UCK1: variants seen among roughly 807,000 people sequenced by gnomAD.
The protein encoded by UCK1 is cytidine monophosphokinase 1.
UCK1 carries 20 observed loss-of-function variants against 34.0 expected under a neutral mutation model. The ratio of observed to expected loss-of-function variants is 0.59; its 90% confidence interval spans 0.41 to 0.86. The LOEUF (loss-of-function observed/expected upper bound fraction) is 0.86. Among genes scored for constraint, UCK1 ranks in the 40% least tolerant of loss-of-function variants. UCK1 has a pLI of 0.00. For synonymous variants in UCK1, 168 were observed against 155.9 expected, an observed-to-expected ratio of 1.08 and a Z score of -0.58; for missense variants, 343 against 383.6, an observed-to-expected ratio of 0.89 and a Z score of 0.88.
rs553760667 is a variant in UCK1 at position 131,523,854 on chromosome 9, C to T, written c.*1186G>A. 5.2e-5 allele frequency: 8 copies of T among 152,596 alleles called. No individual in the cohort carries two copies. Among genetic ancestry groups the T allele is most frequent in the South Asian group, 2.1e-4 (1 of 4,830 alleles). The allele number at this position is 152,596 out of a possible 1,614,324, so 9.5% of individuals were successfully genotyped here. ...TTCTCCCTCCAAAGGGGCCTAAGCT[C>T]GACAAAACCGTTACAGTTGTCAGAA... On this transcript the variant is annotated 3_prime_UTR_variant, in exon 7 of 7. Coordinates refer to ENST00000372215, the MANE Select transcript of UCK1 (RefSeq NM_031432.5).
chr9:131,531,118 C>T lies in UCK1; in HGVS notation c.57G>A (p.Pro19=), dbSNP rs779847237. ...CCCCTATCAGGAAGGGCCGCTGGTG[C>T]GGACGGTCGGCCTCCGGCGCGGGGC... ...CESPAPEADR[P]HQRPFLIGVS... Residue 19 remains proline, a synonymous_variant, in exon 1 of 7, where the codon CCG becomes CCA. Transcript: ENST00000372215. 1 of 1,452,156 alleles carries T rather than the reference C, an allele frequency of 6.9e-7. No individual in the cohort carries two copies. The highest frequency in any genetic ancestry group is 1.3e-5 in the South Asian group (1 of 74,962). 90.0% of individuals were successfully genotyped at this position (1,452,156 alleles called of 1,614,324 possible). A position where few individuals can be genotyped will look rare whatever the true frequency, so the allele number is the denominator to read the frequency against.
In UCK1 at chr9:131,525,067, A is replaced by C. The variant is rs1215227127; in HGVS notation, c.807T>G (p.His269Gln). The part of the protein sequence containing the change: ...PGMLTSGKRS[H>Q]LESSSRPH The stretch of plus-strand genomic sequence containing the variant: ...AGTGGGGTCTGCTGCTGGACTCCAA[A>C]TGTGACCGTTTGCCAGAGGTCAGCA... Residue 269 changes from histidine (H) to glutamine (Q), a missense_variant, in exon 7 of 7, where the codon CAT (histidine) becomes CAG (glutamine). Physicochemically the swap from His to Gln is conservative, Grantham distance 24. Transcript: ENST00000372215. The C allele has an allele frequency of 1.9e-6, 3 of 1,613,172 alleles. No individual in the cohort carries two copies. The highest frequency in any genetic ancestry group is 1.3e-5 in the African/African-American group (1 of 75,016).
At position 131,528,924 on chromosome 9, in the gene UCK1, GA is replaced by G; in HGVS notation, c.603+19del. 6.2e-7 allele frequency: 1 copy of G among 1,613,214 alleles called. No homozygotes were observed. Among genetic ancestry groups the G allele is most frequent in the African/African-American group, 1.3e-5 (1 of 75,002 alleles). On this transcript the variant is annotated intron_variant, in intron 5 of 6. Coordinates refer to ENST00000372215, the MANE Select transcript of UCK1 (RefSeq NM_031432.5). ...CTTGTGAAAGGGGAAAATGGGCTCT[GA>G]AGCAGCGAGCACAGGTACCGGCAGG...
rs1950795101 is a variant in UCK1, at chr9:131,530,563, TGGCTCA to T, written c.185_190del (p.Leu62_Ser63del). On this transcript the variant is annotated inframe_deletion, in exon 2 of 7. Transcript: ENST00000372215. ...CGTCAGGACCTTGTAGAACCTGTCC[TGGCTCA>T]GGATGACCACCTTCCGCTGCCGCTG... The T allele has an allele frequency of 6.2e-7, 1 of 1,614,130 alleles. No homozygotes were observed. The highest frequency in any genetic ancestry group is 1.3e-5 in the African/African-American group (1 of 74,946).
chr9:131,530,376 G>GA, intron 2 of UCK1, 110 bp downstream of exon 2: 1 of 1,346,330 alleles, frequency 7.4e-7, no homozygotes. Flanking sequence ...CGAGTTGGGG[G>GA]AACAGCCCAA....
In UCK1 at chr9:131,531,232, G is replaced by C; in HGVS notation, c.-58C>G. The stretch of plus-strand genomic sequence containing the variant: ...CGCCCGCCCCTTCCCCAGGCCCGGC[G>C]CGCCCGCCCAGCGCCGAGGTCGGAG... On this transcript the variant is annotated 5_prime_UTR_variant, in exon 1 of 7. Coordinates refer to ENST00000372215, the MANE Select transcript of UCK1 (RefSeq NM_031432.5). 1 of 1,311,354 alleles carries C rather than the reference G, an allele frequency of 7.6e-7. No individual in the cohort carries two copies. Among genetic ancestry groups the C allele is most frequent in the South Asian group, 1.9e-5 (1 of 52,624 alleles). The allele number at this position is 1,311,354 out of a possible 1,614,324, so 81.2% of individuals were successfully genotyped here.
chr9:131,526,301 TG>T, intron 5 of UCK1: 1 of 837,512 alleles, frequency 1.2e-6, no homozygotes, highest in Non-Finnish European at 1.8e-6. Flanking sequence ...CTCAATTCAC[TG>T]GGCCAAGCTA....
At chr9:131,525,370 GACAGA>G in intron 6 of UCK1, 149 bp from the exon 7 acceptor site, 1 of 902,668 alleles carries the variant, frequency 1.1e-6, no homozygotes, top group Non-Finnish European at 1.7e-6. Flanking sequence ...AATCTCAGCA[GACAGA>G]AACATGCATC....
intron 5 of UCK1, among the ~76,000 whole-genome samples, chr9:131,528,173 CAAA>C (rs5900943): frequency 1.4e-5 from 2 of 146,882 alleles, no homozygotes; most frequent in South Asian, 2.1e-4. Flanking sequence ...GACCCTATCT[CAAA>C]AAAAAAAAAA....
Position 131,529,543 on chromosome 9 carries a change from T to C in UCK1, c.310A>G (p.Ile104Val). The C allele has an allele frequency of 1.2e-6, 2 of 1,614,190 alleles. No homozygotes were observed. Among genetic ancestry groups the C allele is most frequent in the Non-Finnish European group, 1.7e-6 (2 of 1,180,030 alleles). ...ACCTCCACCGTTTTGCCCTCCACGATGTTCTTCAGAGTCCTGTGCATCAAA... is the reference window on the plus strand; with the variant it reads ...ACCTCCACCGTTTTGCCCTCCACGACGTTCTTCAGAGTCCTGTGCATCAAA... The part of the protein sequence containing the change: ...NDLMHRTLKN[I>V]VEGKTVEVPT... The change falls in exon 3 of 7, where the codon ATC becomes GTC. Residue 104 changes from isoleucine to valine, a missense_variant. Transcript: ENST00000372215.
In UCK1 at chr9:131,531,188, C is replaced by A; in HGVS notation, c.-14G>T. ...CGCCGAAGCCATCTCGGCCTCCGCTCCCGCGCATCGGGTCCCCGCGCCCGC... is the reference window on the plus strand; with the variant it reads ...CGCCGAAGCCATCTCGGCCTCCGCTACCGCGCATCGGGTCCCCGCGCCCGC... On this transcript the variant is annotated 5_prime_UTR_variant, in exon 1 of 7. Coordinates refer to ENST00000372215, the MANE Select transcript of UCK1 (RefSeq NM_031432.5). The A allele has an allele frequency of 7.1e-7, 1 of 1,399,010 alleles. No individual in the cohort carries two copies. Among genetic ancestry groups the A allele is most frequent in the Non-Finnish European group, 9.3e-7 (1 of 1,076,790 alleles). The allele number at this position is 1,399,010 out of a possible 1,614,324, so 86.7% of individuals were successfully genotyped here. A position where few individuals can be genotyped will look rare whatever the true frequency, so the allele number is the denominator to read the frequency against.
In UCK1 at chr9:131,525,140, C is replaced by T; in HGVS notation, c.734G>A (p.Gly245Glu). 1 of 1,614,122 alleles carries T rather than the reference C, an allele frequency of 6.2e-7. No homozygotes were observed. Among genetic ancestry groups the T allele is most frequent in the Non-Finnish European group, 8.5e-7 (1 of 1,180,026 alleles). The change falls in exon 7 of 7, where the codon GGG becomes GAG. Residue 245 changes from glycine (G) to glutamate (E), a missense_variant. Gly to Glu is a moderately conservative substitution (Grantham distance 98). Coordinates refer to ENST00000372215, the MANE Select transcript of UCK1 (RefSeq NM_031432.5). ...ICKWHRGGSNGRSYKRTFSEP... is the reference protein window; with the variant it reads ...ICKWHRGGSNERSYKRTFSEP... ...AGAAAAGGTCCGCTTGTAGCTCCGC[C>T]CATTGGACCCTCCTCGGTGCCATTT...
intron 6 of UCK1, 119 bp from the exon 7 acceptor site, chr9:131,525,340 C>A: frequency 2.4e-6 from 3 of 1,229,936 alleles, no homozygotes; most frequent in Non-Finnish European, 2.3e-6. Context: ...GCACAGCCTG[C>A]GGCGAGGGGC....
chr9:131,529,280 G>A lies in UCK1; in HGVS notation c.366-10C>T, dbSNP rs1368039645. On this transcript the variant is annotated splice_polypyrimidine_tract_variant and intron_variant, in intron 3 of 6. Coordinates refer to ENST00000372215, the MANE Select transcript of UCK1 (RefSeq NM_031432.5). ...CGTGGTCTCTGGTAACCTGAGGGGC[G>A]CACGGGGAAAGGGGCTCTGCTGCAG... is the stretch of plus-strand genomic sequence containing the variant. 3.7e-6 allele frequency: 6 copies of A among 1,613,802 alleles called. No homozygotes were observed. Among genetic ancestry groups the A allele is most frequent in the East Asian group, 2.2e-5 (1 of 44,882 alleles).
rs945188710 is a variant in UCK1 at position 131,531,186 on chromosome 9, C to A, written c.-12G>T. 25 of 1,395,902 alleles carry A rather than the reference C, an allele frequency of 1.8e-5. No individual in the cohort carries two copies. The East Asian group carries it at 7.4e-4, about 41-fold the overall frequency. The allele number at this position is 1,395,902 out of a possible 1,614,324, so 86.5% of individuals were successfully genotyped here. A position where few individuals can be genotyped will look rare whatever the true frequency, so the allele number is the denominator to read the frequency against. On this transcript the variant is annotated 5_prime_UTR_variant, in exon 1 of 7. Coordinates refer to ENST00000372215, the MANE Select transcript of UCK1 (RefSeq NM_031432.5). ...CCCGCCGAAGCCATCTCGGCCTCCG[C>A]TCCCGCGCATCGGGTCCCCGCGCCC...
rs765185850 is a variant in UCK1, at chr9:131,524,994, A to G, written c.*46T>C. The G allele has an allele frequency of 4.4e-6, 7 of 1,587,872 alleles. No homozygotes were observed. Among genetic ancestry groups the G allele is most frequent in the Non-Finnish European group, 6.0e-6 (7 of 1,164,328 alleles). ...TGGGCGTCCCCAGGCTCAGTCCCTG[A>G]ACACACATGCCGGGCGGGAGACCTG... is the stretch of plus-strand genomic sequence containing the variant. On this transcript the variant is annotated 3_prime_UTR_variant, in exon 7 of 7. Transcript: ENST00000372215.
At position 131,531,077 on chromosome 9, in the gene UCK1, G is replaced by T; in HGVS notation, c.98C>A (p.Ala33Asp). Residue 33 changes from alanine (A) to aspartate (D), a missense_variant, in exon 1 of 7, where the codon GCC (alanine) becomes GAC (aspartate). Transcript: ENST00000372215. ...PFLIGVSGGT[A>D]SGKSTVCEKI... is the part of the protein sequence containing the mutation. ...CGCTCGGCCCCTTACCTTCCCGCTG[G>T]CAGTGCCGCCGCTCACCCCTATCAG... The T allele has an allele frequency of 7.1e-7, 1 of 1,410,452 alleles. No individual in the cohort carries two copies. 87.4% of individuals were successfully genotyped at this position (1,410,452 alleles called of 1,614,324 possible).
At chr9:131,525,892 A>C in intron 6 of UCK1, 37 bp downstream of exon 6, 1 of 1,607,974 alleles carries the variant, frequency 6.2e-7, no homozygotes, top group East Asian at 2.2e-5. Flanking sequence ...AAGCTCTGGG[A>C]GGGGCGGGGG....
intron 6 of UCK1, 30 bp from the exon 7 acceptor site, chr9:131,525,251 T>G (rs1178829844): frequency 1.9e-6 from 3 of 1,612,246 alleles, no homozygotes; most frequent in Non-Finnish European, 2.5e-6. Context: ...AGCAGCGGGT[T>G]AGCCGCATCC....
Sources: gnomAD v4.1 joint callset for allele counts (sites outside exome capture counted in the v4.1 genomes callset) on GRCh38, gnomAD v4.1.1 for gene constraint, MANE v1.5 for transcripts, NCBI Gene and HGNC (gene_info 2026-07-23, HGNC 2026-07-21) for gene names.